Variants in BCAS3 observed in about 807,000 individuals in gnomAD.
BCAS3 encodes the protein BCAS4/BCAS3 fusion.
Under a neutral mutation model 116.1 loss-of-function variants are expected in BCAS3, and 53 were observed. The observed-to-expected ratio is 0.46, with a 90% CI of 0.37 to 0.57. BCAS3 has a LOEUF of 0.57. Ranked by LOEUF, BCAS3 falls within the 20% of genes least tolerant of loss-of-function variation. The probability of loss-of-function intolerance (pLI) is 0.00; values close to 1 mark genes in which losing one functional copy is unlikely to be tolerated. For missense variants in BCAS3, 917 were observed against 1,165.4 expected (o/e 0.79, Z 3.10); for synonymous variants, 391 against 408.2 (o/e 0.96, Z 0.51).
At chr17:61,263,944 T>A (rs1045328754) in intron 22 of BCAS3, among the ~76,000 whole-genome samples, 1 of 152,210 alleles carries the variant, frequency 6.6e-6, no homozygotes, top group Non-Finnish European at 1.5e-5. Flanking sequence ...ATTCTGACCA[T>A]GCATGTTGGC....
In BCAS3 at chr17:61,309,110, A is replaced by G. The variant is rs1333668807; in HGVS notation, c.2426-59217A>G. On this transcript the variant is annotated intron_variant, in intron 22 of 23. Transcript: ENST00000407086. This position sits in a 1 kb window ranked among gnomAD's most constrained non-coding sequence, Gnocchi z 4.6. Reference sequence around the variant, plus strand: ...GTGATTCTTGACTGAAACAAGGGTTAGTTCCCTACCTCCATGCCCGTCAAG... The same window carrying G: ...GTGATTCTTGACTGAAACAAGGGTTGGTTCCCTACCTCCATGCCCGTCAAG... Among the ~76,000 whole-genome samples the G allele has an allele frequency of 6.6e-6, 1 of 151,302 alleles. No individual in the cohort carries two copies. Among genetic ancestry groups the G allele is most frequent in the Admixed American group, 6.6e-5 (1 of 15,224 alleles).
chr17:60,708,118 G>GT (rs1390060791), intron 4 of BCAS3, among the ~76,000 whole-genome samples: 16 of 152,136 alleles, frequency 1.1e-4, no homozygotes, highest in Admixed American at 5.2e-4. Context: ...GAGCTCAGGA[G>GT]TTTGAGACCA....
At position 61,067,285 on chromosome 17, in the gene BCAS3, A is replaced by G. The variant is rs1188107348; in HGVS notation, c.2030-7635A>G. Among the ~76,000 whole-genome samples the G allele has an allele frequency of 3.2e-3, 381 of 117,392 alleles. 15 individuals are homozygous for G. The highest frequency in any genetic ancestry group is 0.013 in the African/African-American group (365 of 27,780). 77.0% of individuals were successfully genotyped at this position (117,392 alleles called of 152,430 possible). On this transcript the variant is annotated intron_variant, in intron 19 of 23. Transcript: ENST00000407086. ...TATGTGTGTATGTGTATATATATAT[A>G]TATATATATATATATATATATATAT... is the stretch of plus-strand genomic sequence containing the variant.
intron 19 of BCAS3, among the ~76,000 whole-genome samples, chr17:61,059,698 C>T: frequency 6.6e-6 from 1 of 152,072 alleles, no homozygotes; most frequent in East Asian, 1.9e-4. Flanking sequence ...ACAAGTATGG[C>T]TCTAATATTG....
chr17:60,921,612 CAAAAA>C (rs755864096), intron 12 of BCAS3, among the ~76,000 whole-genome samples: 1 of 33,326 alleles, frequency 3.0e-5, no homozygotes, highest in Non-Finnish European at 8.1e-5. Flanking sequence ...GACTCCGTCT[CAAAAA>C]AAAAAAAAAA....
chr17:61,341,157 C>T lies in BCAS3; in HGVS notation c.2426-27170C>T, dbSNP rs181238829. On this transcript the variant is annotated intron_variant, in intron 22 of 23. Coordinates refer to ENST00000407086, the MANE Select transcript of BCAS3 (RefSeq NM_017679.5). ...GTGTGAGTGTGCTGAGGGCATGGGGCGGGCACAGGAACAGACTGTAACAAG... is the reference window on the plus strand; with the variant it reads ...GTGTGAGTGTGCTGAGGGCATGGGGTGGGCACAGGAACAGACTGTAACAAG... 1.9e-4 allele frequency among the ~76,000 whole-genome samples: 29 copies of T among 152,074 alleles called. No individual in the cohort carries two copies. In the South Asian group the frequency reaches 3.5e-3, roughly 19 times the overall value.
chr17:61,292,480 C>A (rs1472365021), intron 22 of BCAS3, among the ~76,000 whole-genome samples: 1 of 152,006 alleles, frequency 6.6e-6, no homozygotes. Context: ...GGCAAAACCC[C>A]ATCTCTACTA....
chr17:60,825,323 G>A (rs920165638), intron 7 of BCAS3, among the ~76,000 whole-genome samples: 40 of 151,476 alleles, frequency 2.6e-4, no homozygotes, highest in African/African-American at 9.4e-4. Context: ...TATACATTTT[G>A]AAAATATAGA....
chr17:60,716,712 CAA>C (rs766398636), intron 5 of BCAS3, among the ~76,000 whole-genome samples: 7 of 126,336 alleles, frequency 5.5e-5, no homozygotes, highest in African/African-American at 1.4e-4. Context: ...AAGACCCTCT[CAA>C]AAAAAAAAAA....
In BCAS3 at chr17:60,969,685, A is replaced by G. The variant is rs183896279; in HGVS notation, c.1222-20286A>G. The stretch of plus-strand genomic sequence containing the variant: ...CATTTACAACTTCAAAAAGATAAGC[A>G]AACAACACATAAGATTAAGTACAAC... On this transcript the variant is annotated intron_variant, in intron 14 of 23. Coordinates refer to ENST00000407086, the MANE Select transcript of BCAS3 (RefSeq NM_017679.5). 7.2e-5 allele frequency among the ~76,000 whole-genome samples: 11 copies of G among 152,364 alleles called. No individual in the cohort carries two copies. In the East Asian group the frequency reaches 2.1e-3, roughly 29 times the overall value.
chr17:61,174,745 G>A (rs1160537396), intron 22 of BCAS3, among the ~76,000 whole-genome samples: 1 of 152,100 alleles, frequency 6.6e-6, no homozygotes, highest in Admixed American at 6.5e-5. Context: ...ATAATCGCAC[G>A]GTGTATTACC....
chr17:60,986,347 G>A (rs1600234068), intron 14 of BCAS3, among the ~76,000 whole-genome samples: 2 of 152,196 alleles, frequency 1.3e-5, no homozygotes, highest in East Asian at 1.9e-4. Flanking sequence ...TTTCTTTCGA[G>A]TATATACCTA....
intron 6 of BCAS3, among the ~76,000 whole-genome samples, chr17:60,800,957 T>A (rs1181795712): frequency 6.6e-6 from 1 of 152,162 alleles, no homozygotes; most frequent in Non-Finnish European, 1.5e-5. Flanking sequence ...CTAACTCTTA[T>A]TTACTATAGT....
rs2076486415 is a variant in BCAS3, at chr17:61,134,051, GTACTAACAAAGGAGTCATA to G, written c.2425+49491_2425+49509del. Reference sequence around the variant, plus strand: ...GCAAAGTAATTTTAAATTGAGGGATGTACTAACAAAGGAGTCATATACAAAAAGGGAGGAGAGGTAGAGT... The same window carrying G: ...GCAAAGTAATTTTAAATTGAGGGATGTACAAAAAGGGAGGAGAGGTAGAGT... On this transcript the variant is annotated intron_variant, in intron 22 of 23. Transcript: ENST00000407086. This position sits in a 1 kb window ranked among gnomAD's most constrained non-coding sequence, Gnocchi z 4.6. Among the ~76,000 whole-genome samples, 1 of 152,114 alleles carries G rather than the reference GTACTAACAAAGGAGTCATA, an allele frequency of 6.6e-6. No individual in the cohort carries two copies. The highest frequency in any genetic ancestry group is 2.4e-5 in the African/African-American group (1 of 41,426).
chr17:61,131,127 G>A lies in BCAS3; in HGVS notation c.2425+46563G>A, dbSNP rs192360379. On this transcript the variant is annotated intron_variant, in intron 22 of 23. Coordinates refer to ENST00000407086, the MANE Select transcript of BCAS3 (RefSeq NM_017679.5). The surrounding 1 kb of genome is among the most constrained non-coding windows in gnomAD (Gnocchi z 4.4). ...AACTCTGCCACTACCTAGCTAGGTT[G>A]ACCTTTAACAAGTCTATTTAACTTT... Among the ~76,000 whole-genome samples, 11 of 152,204 alleles carry A rather than the reference G, an allele frequency of 7.2e-5. No homozygotes were observed. Among genetic ancestry groups the A allele is most frequent in the Admixed American group, 6.5e-4 (10 of 15,292 alleles).
At chr17:61,168,358 T>C (rs1350993518) in intron 22 of BCAS3, among the ~76,000 whole-genome samples, 3 of 152,188 alleles carry the variant, frequency 2.0e-5, no homozygotes, top group African/African-American at 7.2e-5. Flanking sequence ...CTATATTTTG[T>C]ATTTGGCATT....
Position 61,128,927 on chromosome 17 carries a change from C to T in BCAS3, c.2425+44363C>T, listed in dbSNP as rs2077653349. Among the ~76,000 whole-genome samples the T allele has an allele frequency of 6.6e-6, 1 of 152,126 alleles. No individual in the cohort carries two copies. The highest frequency in any genetic ancestry group is 2.1e-4 in the South Asian group (1 of 4,820). Reference sequence around the variant, plus strand: ...TCCTAAGTCACTTCCGGATGTCAGGCCTAAGGTGGAGAGGGGGACAGGGCT... The same window carrying T: ...TCCTAAGTCACTTCCGGATGTCAGGTCTAAGGTGGAGAGGGGGACAGGGCT... On this transcript the variant is annotated intron_variant, in intron 22 of 23. Transcript: ENST00000407086. The surrounding 1 kb of genome is among the most constrained non-coding windows in gnomAD (Gnocchi z 4.1).
intron 7 of BCAS3, among the ~76,000 whole-genome samples, chr17:60,835,703 C>T (rs552152724): frequency 9.1e-4 from 139 of 152,140 alleles, no homozygotes; most frequent in African/African-American, 3.2e-3. Flanking sequence ...TTACCTACAT[C>T]ATAGGGTTAT....
chr17:61,322,806 G>GAGAGAGAGAGAGAGAC (rs2055352123), intron 22 of BCAS3, among the ~76,000 whole-genome samples: 1 of 130,842 alleles, frequency 7.6e-6, no homozygotes. Flanking sequence ...GAGAGAGAGA[G>GAGAGAGAGAGAGAGAC]AGAGAGAGAG....
Sources: allele counts gnomAD v4.1 joint callset (sites outside exome capture counted in the v4.1 genomes callset), GRCh38; gene constraint gnomAD v4.1.1; non-coding constraint Gnocchi (gnomAD v3.1); transcripts MANE v1.5; gene names NCBI Gene and HGNC (gene_info 2026-07-23, HGNC 2026-07-21).